Variants in SIRT2 observed in about 807,000 individuals in gnomAD.
SIRT2 encodes sirtuin 2.
In SIRT2, 40 loss-of-function variants were observed where a neutral mutation model predicts 57.4. The observed-to-expected ratio is 0.70, with a 90% CI of 0.54 to 0.91. SIRT2 has a LOEUF of 0.91. Ranked by LOEUF, SIRT2 falls within the 40% of genes least tolerant of loss-of-function variation. SIRT2 has a pLI of 0.00. For missense variants in SIRT2, 439 were observed against 510.4 expected (o/e 0.86, Z 1.35); for synonymous variants, 161 against 195.7 (o/e 0.82, Z 1.48).
intron 1 of SIRT2, 42 bp downstream of exon 1, chr19:38,899,464 C>T (rs754148657): frequency 6.2e-7 from 1 of 1,610,250 alleles, no homozygotes; most frequent in African/African-American, 1.3e-5. Flanking sequence ...TTCAGCCAGG[C>T]CCCGGCGCGG....
intron 9 of SIRT2, 121 bp downstream of exon 9, chr19:38,883,506 C>A (rs1049135463): frequency 1.5e-6 from 2 of 1,345,020 alleles, no homozygotes; most frequent in South Asian, 1.3e-5. Context: ...GTCTCAAAAA[C>A]AAACAAACAA....
chr19:38,879,013 C>T lies in SIRT2; in HGVS notation c.*142G>A. The T allele has an allele frequency of 1.1e-6, 1 of 886,918 alleles. No individual in the cohort carries two copies. Among genetic ancestry groups the T allele is most frequent in the Admixed American group, 3.2e-5 (1 of 31,616 alleles). The allele number at this position is 886,918 out of a possible 1,614,324, so 54.9% of individuals were successfully genotyped here. On this transcript the variant is annotated 3_prime_UTR_variant, in exon 16 of 16. Coordinates refer to ENST00000249396, the MANE Select transcript of SIRT2 (RefSeq NM_012237.4). ...GTTGGGGGCCAGGGTTGCTGGGACC[C>T]CAGTTTTGGGGAGGGAGCTGTAAGA...
chr19:38,891,270 C>T (rs972332029), intron 4 of SIRT2, among the ~76,000 whole-genome samples: 12 of 152,142 alleles, frequency 7.9e-5, no homozygotes, highest in African/African-American at 2.7e-4. Context: ...TTTTTAGGGC[C>T]GGGCCCGGTG....
chr19:38,893,066 A>G (rs1005152664), intron 4 of SIRT2, among the ~76,000 whole-genome samples: 1 of 151,472 alleles, frequency 6.6e-6, no homozygotes, highest in African/African-American at 2.4e-5. Flanking sequence ...AATGGGAGCC[A>G]ATCTCTGCTG....
At chr19:38,893,674 C>G in intron 3 of SIRT2, 145 bp downstream of exon 3, 1 of 1,230,588 alleles carries the variant, frequency 8.1e-7, no homozygotes, top group Non-Finnish European at 1.2e-6. Flanking sequence ...CTCCAGGAGC[C>G]TGCTCTGGCA....
rs200376589 is a variant in SIRT2, at chr19:38,879,673, G to A, written c.906C>T (p.Gly302=). The change falls in exon 14 of 16, where the codon GGC becomes GGT. Residue 302 remains glycine (G), a synonymous_variant. Coordinates refer to ENST00000249396, the MANE Select transcript of SIRT2 (RefSeq NM_012237.4). ...QSDPFLGMIM[G]LGGGMDFDSK... ...AGTCAAAGTCCATGCCTCCTCCGAG[G>A]CCCATAATCATCCCCAGGAAAGGGT... is the stretch of plus-strand genomic sequence containing the variant. The A allele has an allele frequency of 1.3e-5, 20 of 1,573,870 alleles. No homozygotes were observed. The highest frequency in any genetic ancestry group is 1.6e-5 in the Non-Finnish European group (18 of 1,159,268).
intron 8 of SIRT2, among the ~76,000 whole-genome samples, chr19:38,885,544 C>T (rs575763408): frequency 1.3e-5 from 2 of 151,504 alleles, no homozygotes; most frequent in African/African-American, 4.8e-5. Flanking sequence ...TCCCTGCCTC[C>T]GCCTCTCAAG....
At chr19:38,881,200 G>A (rs775176677) in intron 10 of SIRT2, 45 bp from the exon 11 acceptor site, 5 of 1,587,084 alleles carry the variant, frequency 3.2e-6, no homozygotes, top group African/African-American at 2.7e-5. Context: ...GACATGGGGA[G>A]GCAGAGAGGA....
Position 38,880,416 on chromosome 19 carries a change from C to G in SIRT2, c.876+269G>C, listed in dbSNP as rs1040741681. On this transcript the variant is annotated intron_variant, in intron 13 of 15. Coordinates refer to ENST00000249396, the MANE Select transcript of SIRT2 (RefSeq NM_012237.4). The surrounding 1 kb of genome is among the most constrained non-coding windows in gnomAD (Gnocchi z 4.1). Reference sequence around the variant, plus strand: ...CCGCCCCCCGCACTGTCTCTCCTGACCCCTGCACCCCCTCCCACCTCCTCA... The same window carrying G: ...CCGCCCCCCGCACTGTCTCTCCTGAGCCCTGCACCCCCTCCCACCTCCTCA... 7.1e-6 allele frequency: 3 copies of G among 423,806 alleles called. No homozygotes were observed. The highest frequency in any genetic ancestry group is 6.2e-5 in the African/African-American group (3 of 48,128). The allele number at this position is 423,806 out of a possible 1,614,324, so 26.3% of individuals were successfully genotyped here. A position where few individuals can be genotyped will look rare whatever the true frequency, so the allele number is the denominator to read the frequency against.
rs1403129868 is a variant in SIRT2 at position 38,893,455 on chromosome 19, A to G, written c.185T>C (p.Leu62Pro). 6 of 1,613,930 alleles carry G rather than the reference A, an allele frequency of 3.7e-6. No homozygotes were observed. In the Admixed American group the frequency reaches 1.0e-4, roughly 27 times the overall value. Residue 62 changes from leucine to proline, a missense_variant, in exon 4 of 16, where the codon CTG becomes CCG. Transcript: ENST00000249396. ...GSQKERLLDE[L>P]TLEGVARYMQ... The stretch of plus-strand genomic sequence containing the variant: ...GTACCGGGCCACCCCTTCCAAGGTC[A>G]GCTCGTCCAGCAGACGCTCCTTCTG...
chr19:38,889,115 T>C lies in SIRT2; in HGVS notation c.473A>G (p.Lys158Arg). The C allele has an allele frequency of 6.2e-7, 1 of 1,613,028 alleles. No individual in the cohort carries two copies. The highest frequency in any genetic ancestry group is 1.1e-5 in the South Asian group (1 of 91,086). Residue 158 changes from lysine to arginine, a missense_variant, in exon 8 of 16, where the codon AAG (lysine) becomes AGG (arginine). Coordinates refer to ENST00000249396, the MANE Select transcript of SIRT2 (RefSeq NM_012237.4). Reference sequence around the variant, plus strand: ...CGTGTAGCAGCGCAGGAGTAGCCCCTTGTCCTTCAGCAGGCGCATGAAGTA... The same window carrying C: ...CGTGTAGCAGCGCAGGAGTAGCCCCCTGTCCTTCAGCAGGCGCATGAAGTA... ...CHYFMRLLKD[K>R]GLLLRCYTQN... is the part of the protein sequence containing the mutation.
At chr19:38,897,602 G>C (rs111773962) in intron 2 of SIRT2, among the ~76,000 whole-genome samples, 1 of 151,526 alleles carries the variant, frequency 6.6e-6, no homozygotes, top group Non-Finnish European at 1.5e-5. Flanking sequence ...GGCACACTAC[G>C]GCCTTAACCT....
chr19:38,897,139 G>A (rs1973741802), intron 2 of SIRT2, among the ~76,000 whole-genome samples: 1 of 152,146 alleles, frequency 6.6e-6, no homozygotes, highest in Admixed American at 6.6e-5. Flanking sequence ...CGTGATAGGC[G>A]TTTCTCTTCA....
At position 38,880,968 on chromosome 19, in the gene SIRT2, A is replaced by G; in HGVS notation, c.748-71T>C. 6.4e-7 allele frequency: 1 copy of G among 1,564,778 alleles called. No individual in the cohort carries two copies. Among genetic ancestry groups the G allele is most frequent in the Admixed American group, 1.7e-5 (1 of 58,836 alleles). ...CACCGCTCCCTCCCCCGCCCCCAGC[A>G]GCAAACCTCCCTGCCGCCCCCCATA... On this transcript the variant is annotated intron_variant, in intron 11 of 15. Transcript: ENST00000249396. This position sits in a 1 kb window ranked among gnomAD's most constrained non-coding sequence, Gnocchi z 4.1.
chr19:38,898,266 G>A (rs1054904195), intron 2 of SIRT2, 113 bp downstream of exon 2: 1 of 651,236 alleles, frequency 1.5e-6, no homozygotes, highest in South Asian at 4.9e-5. Flanking sequence ...GAGGGATTGG[G>A]GCAATGAGCC....
At position 38,878,861 on chromosome 19, in the gene SIRT2, T is replaced by C. The variant is rs1348681666; in HGVS notation, c.*294A>G. 4 of 345,864 alleles carry C rather than the reference T, an allele frequency of 1.2e-5. No homozygotes were observed. Among genetic ancestry groups the C allele is most frequent in the Non-Finnish European group, 2.1e-5 (4 of 192,806 alleles). The allele number at this position is 345,864 out of a possible 1,614,324, so 21.4% of individuals were successfully genotyped here. ...AGAGTTAAAAGTTCTGGGGTAGCCC[T>C]GGCCCCGTGGGGGCAGTTAGAGATG... On this transcript the variant is annotated 3_prime_UTR_variant, in exon 16 of 16. Coordinates refer to ENST00000249396, the MANE Select transcript of SIRT2 (RefSeq NM_012237.4).
rs200516283 is a variant in SIRT2 at position 38,879,252 on chromosome 19, G to A, written c.1073C>T (p.Ala358Val). Residue 358 changes from alanine to valine, a missense_variant, in exon 16 of 16, where the codon GCG becomes GTG. Ala to Val is a moderately conservative substitution (Grantham distance 64). Transcript: ENST00000249396. ...TGAAGTGCTGGGGTTGGGGACCCCC[G>A]CCCCCGACTGGGCATCTATGCTGGC... Reference protein sequence around the residue: ...EHASIDAQSGAGVPNPSTSAS... With the variant: ...EHASIDAQSGVGVPNPSTSAS... The A allele has an allele frequency of 4.1e-5, 66 of 1,604,572 alleles. No individual in the cohort carries two copies. Among genetic ancestry groups the A allele is most frequent in the East Asian group, 2.9e-4 (13 of 44,834 alleles).
rs752565046 is a variant in SIRT2 at position 38,889,091 on chromosome 19, G to A, written c.497C>T (p.Thr166Met). ...KDKGLLLRCY[T>M]QNIDTLERIA... Reference sequence around the variant, plus strand: ...AGGATGCTCGCATCCGCCTACCTGCGTGTAGCAGCGCAGGAGTAGCCCCTT... The same window carrying A: ...AGGATGCTCGCATCCGCCTACCTGCATGTAGCAGCGCAGGAGTAGCCCCTT... Residue 166 changes from threonine (T) to methionine (M), a missense_variant, in exon 8 of 16, where the codon ACG becomes ATG. Coordinates refer to ENST00000249396, the MANE Select transcript of SIRT2 (RefSeq NM_012237.4). 7.4e-6 allele frequency: 12 copies of A among 1,612,040 alleles called. No homozygotes were observed. Among genetic ancestry groups the A allele is most frequent in the Admixed American group, 1.7e-5 (1 of 60,012 alleles).
At chr19:38,893,688 G>A in intron 3 of SIRT2, 131 bp downstream of exon 3, 1 of 1,297,472 alleles carries the variant, frequency 7.7e-7, no homozygotes. Context: ...TCTGGCACTG[G>A]TACCCAACCC....
Sources: allele counts gnomAD v4.1 joint callset (sites outside exome capture counted in the v4.1 genomes callset), GRCh38; gene constraint gnomAD v4.1.1; non-coding constraint Gnocchi (gnomAD v3.1); transcripts MANE v1.5; gene names NCBI Gene and HGNC (gene_info 2026-07-23, HGNC 2026-07-21).